Variants in DAP3 observed in about 807,000 individuals in gnomAD.
DAP3 encodes death associated protein 3, also known as small ribosomal subunit protein mS29.
In DAP3, 28 loss-of-function variants were observed where a neutral mutation model predicts 51.9. The observed-to-expected ratio is 0.54, with a 90% CI of 0.40 to 0.74. The LOEUF is 0.74. DAP3 is among the 30% of genes least tolerant of loss of function. DAP3 has a pLI of 0.00. For synonymous variants in DAP3, 170 were observed against 170.3 expected (o/e 1.00, Z 0.01); for missense variants, 458 against 483.5 (o/e 0.95, Z 0.49).
chr1:155,700,077 T>C (rs1437667903), intron 1 of DAP3, among the ~76,000 whole-genome samples: 1 of 152,162 alleles, frequency 6.6e-6, no homozygotes, highest in Non-Finnish European at 1.5e-5. Context: ...GCTGGGACTA[T>C]AGGCGTGCAC....
chr1:155,723,689 G>T (rs1658249844), intron 4 of DAP3, among the ~76,000 whole-genome samples: 1 of 152,096 alleles, frequency 6.6e-6, no homozygotes, highest in African/African-American at 2.4e-5. Flanking sequence ...ATTAAGTTTG[G>T]AATTGCCTGT....
intron 11 of DAP3, among the ~76,000 whole-genome samples, chr1:155,734,078 GC>G (rs1659513220): frequency 6.6e-6 from 1 of 152,078 alleles, no homozygotes; most frequent in Non-Finnish European, 1.5e-5. Flanking sequence ...GATCGCTTGA[GC>G]CCGGGAGGTC....
chr1:155,735,139 C>T (rs981799142), intron 11 of DAP3, among the ~76,000 whole-genome samples: 2 of 150,386 alleles, frequency 1.3e-5, no homozygotes, highest in African/African-American at 2.4e-5. Context: ...AAAAATTAGC[C>T]GGGCGTGGTG....
chr1:155,688,332 G>A (rs1166580283), upstream of DAP3: 4 of 1,551,086 alleles, frequency 2.6e-6, no homozygotes, highest in Admixed American at 3.9e-5. Flanking sequence ...CGGCGGCAGC[G>A]GCGGCAGCAG....
At chr1:155,689,880 C>T (rs1292662395) in intron 1 of DAP3, among the ~76,000 whole-genome samples, 1 of 150,866 alleles carries the variant, frequency 6.6e-6, no homozygotes, top group Non-Finnish European at 1.5e-5. Context: ...CCACTGCACT[C>T]CAGCCTGGCG....
At chr1:155,688,395 C>A, upstream of DAP3, 3 of 1,543,320 alleles carry the variant, frequency 1.9e-6, no homozygotes, top group South Asian at 3.6e-5. Flanking sequence ...CCTAGCGACA[C>A]CCCCAACCTC....
chr1:155,698,652 A>G (rs912393941), intron 1 of DAP3, among the ~76,000 whole-genome samples: 2 of 152,178 alleles, frequency 1.3e-5, no homozygotes, highest in African/African-American at 4.8e-5. Context: ...GTCCTTTCCA[A>G]TTCTTTCCCA....
At position 155,727,748 on chromosome 1, in the gene DAP3, C is replaced by G; in HGVS notation, c.603+10C>G. 6.2e-7 allele frequency: 1 copy of G among 1,613,174 alleles called. No individual in the cohort carries two copies. ...GCGCTTCCTGAACCAGGTGACTAGA[C>G]TCCCAGAAGTTGAGTGCTAGGTAGT... On this transcript the variant is annotated intron_variant, in intron 7 of 12. Coordinates refer to ENST00000368336, the MANE Select transcript of DAP3 (RefSeq NM_004632.4).
intron 1 of DAP3, chr1:155,689,450 C>A (rs1280695302): frequency 2.2e-6 from 1 of 462,924 alleles, no homozygotes; most frequent in Non-Finnish European, 4.3e-6. Context: ...GATGGTACTT[C>A]AGCCTCGTTA....
intron 1 of DAP3, chr1:155,709,162 T>G (rs555197889): frequency 2.6e-5 from 4 of 152,222 alleles, no homozygotes; most frequent in African/African-American, 9.6e-5. Flanking sequence ...TTCTTTTTTT[T>G]TTTTGAGGTG....
chr1:155,718,703 G>GA (rs1380419859), intron 3 of DAP3, among the ~76,000 whole-genome samples: 1 of 138,446 alleles, frequency 7.2e-6, no homozygotes, highest in African/African-American at 2.7e-5. Flanking sequence ...AAAAAAGAAA[G>GA]AAAGATAGAT....
chr1:155,717,655 A>G (rs970937377), intron 3 of DAP3, among the ~76,000 whole-genome samples: 8 of 152,230 alleles, frequency 5.3e-5, no homozygotes, highest in African/African-American at 1.9e-4. Context: ...TATGGAGAGT[A>G]CTAAAGAAAT....
At chr1:155,720,805 G>A (rs983517863) in intron 3 of DAP3, among the ~76,000 whole-genome samples, 2 of 152,114 alleles carry the variant, frequency 1.3e-5, no homozygotes, top group East Asian at 1.9e-4. Flanking sequence ...TTGGGAGGTC[G>A]AGGTGAGCGG....
intron 3 of DAP3, among the ~76,000 whole-genome samples, chr1:155,718,575 T>A (rs1426134652): frequency 6.6e-6 from 1 of 151,626 alleles, no homozygotes; most frequent in Non-Finnish European, 1.5e-5. Context: ...TAGTCCTAGC[T>A]ACTCGGGAGA....
At chr1:155,738,005 T>C (rs1659982274) in intron 12 of DAP3, 152 bp from the exon 13 acceptor site, 1 of 674,924 alleles carries the variant, frequency 1.5e-6, no homozygotes, top group Non-Finnish European at 2.5e-6. Flanking sequence ...GAGTAGCTTG[T>C]TGGGGTGAGG....
chr1:155,691,060 A>C (rs1168140114), intron 1 of DAP3, among the ~76,000 whole-genome samples: 2 of 141,804 alleles, frequency 1.4e-5, no homozygotes, highest in South Asian at 2.1e-4. Context: ...GGCACCCGCC[A>C]CCACGTCCAG....
At chr1:155,715,222 A>G (rs1404568770) in intron 2 of DAP3, among the ~76,000 whole-genome samples, 1 of 144,278 alleles carries the variant, frequency 6.9e-6, no homozygotes, top group African/African-American at 2.6e-5. Context: ...AAAAAAACCC[A>G]CAAAAAGCTG....
chr1:155,701,085 C>T (rs1336420095), intron 1 of DAP3, among the ~76,000 whole-genome samples: 1 of 131,402 alleles, frequency 7.6e-6, no homozygotes, highest in Non-Finnish European at 1.5e-5. Flanking sequence ...TGGCCAGCCG[C>T]CCCGTCCGGG....
At chr1:155,688,727 G>T, upstream of DAP3, 1 of 1,468,218 alleles carries the variant, frequency 6.8e-7, no homozygotes, top group Non-Finnish European at 9.1e-7. Context: ...CCGCCCGCAC[G>T]GCCACCAACC....
Sources: gnomAD v4.1 joint callset for allele counts (sites outside exome capture counted in the v4.1 genomes callset) on GRCh38, gnomAD v4.1.1 for gene constraint, MANE v1.5 for transcripts, NCBI Gene and HGNC (gene_info 2026-07-23, HGNC 2026-07-21) for gene names.